Variants in WWOX observed in about 807,000 individuals in gnomAD.
WWOX encodes WW domain containing oxidoreductase, also known as WW domain-containing oxidoreductase.
Under a neutral mutation model 46.2 loss-of-function variants are expected in WWOX, and 69 were observed. The ratio of observed to expected loss-of-function variants is 1.49; its 90% CI spans 1.23 to 1.82. The LOEUF is 1.82. Among genes scored for constraint, WWOX ranks in the 40% most tolerant of loss-of-function variants. WWOX has a pLI of 0.00. For synonymous variants in WWOX, 359 were observed against 202.6 expected (o/e 1.77, Z -6.56); for missense variants, 919 against 542.6 (o/e 1.69, Z -6.89).
intron 8 of WWOX, among the ~76,000 whole-genome samples, chr16:78,640,480 G>A (rs940960478): frequency 2.6e-5 from 4 of 151,948 alleles, no homozygotes; most frequent in Non-Finnish European, 5.9e-5. Context: ...TGATGTGAGC[G>A]GGTTCCTGTA....
chr16:78,397,513 G>A (rs1014295034), intron 6 of WWOX, among the ~76,000 whole-genome samples: 1 of 152,190 alleles, frequency 6.6e-6, no homozygotes, highest in African/African-American at 2.4e-5. Context: ...TACGCAGTAA[G>A]GCTAGAACTT....
At chr16:79,075,027 C>A (rs752138145) in intron 8 of WWOX, among the ~76,000 whole-genome samples, 6 of 152,146 alleles carry the variant, frequency 3.9e-5, no homozygotes, top group Non-Finnish European at 8.8e-5. Flanking sequence ...CCCCAAAGAC[C>A]CCAGAGAAAC....
At chr16:78,827,533 A>G (rs912210976) in intron 8 of WWOX, among the ~76,000 whole-genome samples, 2 of 152,052 alleles carry the variant, frequency 1.3e-5, no homozygotes, top group African/African-American at 4.8e-5. Context: ...TGGAAGAGTG[A>G]GGTCTAAGAG....
chr16:78,613,495 C>G (rs1026935215), intron 8 of WWOX, among the ~76,000 whole-genome samples: 2 of 152,134 alleles, frequency 1.3e-5, no homozygotes, highest in Admixed American at 1.3e-4. Context: ...TCCTCTCCCC[C>G]TTACAAGGGA....
chr16:78,479,566 G>T (rs946028694), intron 8 of WWOX, among the ~76,000 whole-genome samples: 5 of 152,164 alleles, frequency 3.3e-5, no homozygotes, highest in Non-Finnish European at 5.9e-5. Context: ...TTTTCATAGT[G>T]AAAATGGAGA....
intron 4 of WWOX, among the ~76,000 whole-genome samples, chr16:78,151,396 G>A (rs539910818): frequency 6.6e-6 from 1 of 152,212 alleles, no homozygotes; most frequent in East Asian, 1.9e-4. Flanking sequence ...TAACATTGGG[G>A]ATCAGTGGTT....
At chr16:78,698,348 T>G (rs981493110) in intron 8 of WWOX, among the ~76,000 whole-genome samples, 5 of 152,346 alleles carry the variant, frequency 3.3e-5, no homozygotes, top group Admixed American at 2.6e-4. Flanking sequence ...ATGGGATTTT[T>G]GGGGTATCTT....
intron 8 of WWOX, among the ~76,000 whole-genome samples, chr16:78,654,132 T>C (rs986018459): frequency 5.3e-5 from 8 of 152,214 alleles, no homozygotes; most frequent in Admixed American, 5.2e-4. Context: ...GGGTCTGGAC[T>C]CAAGATGAGC....
At chr16:78,708,511 C>G (rs1446429909) in intron 8 of WWOX, among the ~76,000 whole-genome samples, 1 of 152,196 alleles carries the variant, frequency 6.6e-6, no homozygotes, top group African/African-American at 2.4e-5. Flanking sequence ...CGTTTACCAT[C>G]TGCTGAAAGC....
chr16:79,088,396 A>G (rs1226104257), intron 8 of WWOX, among the ~76,000 whole-genome samples: 1 of 152,176 alleles, frequency 6.6e-6, no homozygotes, highest in East Asian at 1.9e-4. Context: ...GATCAGATAA[A>G]GACAGGGTTT....
chr16:78,700,695 G>A (rs1287579986), intron 8 of WWOX, among the ~76,000 whole-genome samples: 2 of 152,126 alleles, frequency 1.3e-5, no homozygotes, highest in Non-Finnish European at 1.5e-5. Context: ...TGGGCCTGCA[G>A]TGAGCCTGTG....
Position 78,979,557 on chromosome 16 carries a change from C to T in WWOX, c.1057-232051C>T, listed in dbSNP as rs71398120. 2.7e-3 allele frequency among the ~76,000 whole-genome samples: 418 copies of T among 152,244 alleles called. 5 individuals are homozygous for T. Among genetic ancestry groups the T allele is most frequent in the Non-Finnish European group, 5.1e-3 (344 of 68,022 alleles). On this transcript the variant is annotated intron_variant, in intron 8 of 8. Transcript: ENST00000566780. ...GAATCAGCTAGCGATGGCTAAGGCT[C>T]CTGTGACGGTTTCTACAGAGGTTCC... is the stretch of plus-strand genomic sequence containing the variant.
intron 8 of WWOX, among the ~76,000 whole-genome samples, chr16:79,033,794 A>T (rs181693274): frequency 1.3e-5 from 2 of 152,310 alleles, no homozygotes; most frequent in African/African-American, 4.8e-5. Context: ...TTGGTACCTC[A>T]TATAAGTGGA....
intron 4 of WWOX, among the ~76,000 whole-genome samples, chr16:78,148,897 C>CAAAA (rs34225165): frequency 5.6e-5 from 3 of 53,236 alleles, no homozygotes; most frequent in Admixed American, 3.1e-4. Context: ...GACTCCGTCT[C>CAAAA]AAAAAAAAAA....
chr16:78,276,357 G>A (rs139758619), intron 5 of WWOX, among the ~76,000 whole-genome samples: 5 of 152,348 alleles, frequency 3.3e-5, no homozygotes, highest in Non-Finnish European at 7.3e-5. Flanking sequence ...CAGAGAGTGA[G>A]CATCCAGCAA....
chr16:78,791,853 C>G (rs1360417071), intron 8 of WWOX, among the ~76,000 whole-genome samples: 2 of 152,120 alleles, frequency 1.3e-5, no homozygotes, highest in Admixed American at 6.6e-5. Context: ...GCACTGCAGC[C>G]TGGGCGACAG....
intron 5 of WWOX, among the ~76,000 whole-genome samples, chr16:78,282,397 T>G (rs2079694400): frequency 6.6e-6 from 1 of 152,232 alleles, no homozygotes; most frequent in Non-Finnish European, 1.5e-5. Context: ...GGTCTCTTAC[T>G]AGTGGTCAGC....
At chr16:78,651,628 C>G (rs770653283) in intron 8 of WWOX, among the ~76,000 whole-genome samples, 6 of 152,224 alleles carry the variant, frequency 3.9e-5, no homozygotes, top group Non-Finnish European at 7.3e-5. Flanking sequence ...ATTGCTCACA[C>G]AGACCCAGCT....
At chr16:78,464,905 T>C (rs958240246) in intron 8 of WWOX, among the ~76,000 whole-genome samples, 7 of 152,180 alleles carry the variant, frequency 4.6e-5, no homozygotes, top group African/African-American at 1.7e-4. Context: ...GGGTAATTTA[T>C]AAAGAAAAAG....
Sources: gnomAD v4.1 joint callset for allele counts (sites outside exome capture counted in the v4.1 genomes callset) on GRCh38, gnomAD v4.1.1 for gene constraint, MANE v1.5 for transcripts, NCBI Gene and HGNC (gene_info 2026-07-23, HGNC 2026-07-21) for gene names.